Variants in DAAM2 observed in about 807,000 individuals in gnomAD.
DAAM2 encodes the protein disheveled-associated activator of morphogenesis 2.
In DAAM2, 39 loss-of-function variants were observed where a neutral mutation model predicts 120.7. The observed-to-expected ratio is 0.32, with a 90% CI of 0.25 to 0.42. The LOEUF is 0.42. DAAM2 is among the 10% of genes least tolerant of loss of function. The pLI, the probability that DAAM2 is intolerant of heterozygous loss-of-function variation, is 1.00. For missense variants in DAAM2, 1,283 were observed against 1,401.7 expected (o/e 0.92, Z 1.35); for synonymous variants, 488 against 524.9 (o/e 0.93, Z 0.96).
chr6:39,840,605 G>T (rs1763287170), intron 1 of DAAM2, among the ~76,000 whole-genome samples: 1 of 152,062 alleles, frequency 6.6e-6, no homozygotes, highest in Non-Finnish European at 1.5e-5. Flanking sequence ...TGGAGATGAG[G>T]GAAAGGAGAA....
In DAAM2 at chr6:39,878,709, C is replaced by T. The variant is rs2149329620; in HGVS notation, c.1545+121C>T. 5.7e-6 allele frequency: 6 copies of T among 1,046,470 alleles called. No individual in the cohort carries two copies. The South Asian group carries it at 8.4e-5, about 15-fold the overall frequency. The allele number at this position is 1,046,470 out of a possible 1,614,324, so 64.8% of individuals were successfully genotyped here. A position where few individuals can be genotyped will look rare whatever the true frequency, so the allele number is the denominator to read the frequency against. ...GCATGAGGGAGAAGGGAGATGGAGA[C>T]CTTGGGCCAGGATAGAAGAGACCCT... On this transcript the variant is annotated intron_variant, in intron 13 of 24. Transcript: ENST00000274867. The surrounding 1 kb of genome is among the most constrained non-coding windows in gnomAD (Gnocchi z 5.0).
rs1346720292 is a variant in DAAM2, at chr6:39,868,926, C to T, written c.866C>T (p.Ala289Val). The change falls in exon 7 of 25, where the codon GCT (alanine) becomes GTT (valine). Residue 289 changes from alanine to valine, a missense_variant. Ala to Val is a moderately conservative substitution (Grantham distance 64, BLOSUM62 0). Transcript: ENST00000274867. ...SFINAVLNAGAGEDNLEFRLH... is the reference protein window; with the variant it reads ...SFINAVLNAGVGEDNLEFRLH... ...ATCAATGCTGTCCTCAATGCTGGAG[C>T]TGGAGAGGTGGGGTGCCTTCTCCTT... The T allele has an allele frequency of 1.8e-5, 28 of 1,573,294 alleles. No individual in the cohort carries two copies. Among genetic ancestry groups the T allele is most frequent in the Non-Finnish European group, 2.2e-5 (26 of 1,159,026 alleles).
At chr6:39,841,549 G>A (rs185197770) in intron 1 of DAAM2, among the ~76,000 whole-genome samples, 13 of 152,138 alleles carry the variant, frequency 8.5e-5, no homozygotes, top group Non-Finnish European at 1.6e-4. Flanking sequence ...ATTTCACATC[G>A]TTCACAACTT....
Position 39,902,009 on chromosome 6 carries a change from A to G in DAAM2, c.3179A>G (p.Glu1060Gly), listed in dbSNP as rs778238929. The stretch of plus-strand genomic sequence containing the variant: ...AGCCAGGCCCTGGAAGTTACCCGGG[A>G]GCGGGCAATAAACCGGCTAAATTAT... ...SGSQALEVTR[E>G]RAINRLNY Residue 1060 changes from glutamate (E) to glycine (G), a missense_variant, in exon 25 of 25, where the codon GAG (glutamate) becomes GGG (glycine). Around this residue, in one of 3 missense-constraint regions of DAAM2, gnomAD observed 748 missense variants for 768.6 expected, o/e 0.97. Coordinates refer to ENST00000274867, the MANE Select transcript of DAAM2 (RefSeq NM_001201427.2). 1 of 1,610,214 alleles carries G rather than the reference A, an allele frequency of 6.2e-7. No individual in the cohort carries two copies. The highest frequency in any genetic ancestry group is 1.1e-5 in the South Asian group (1 of 90,714).
At chr6:39,896,466 G>A (rs1219385516) in intron 19 of DAAM2, among the ~76,000 whole-genome samples, 1 of 152,198 alleles carries the variant, frequency 6.6e-6, no homozygotes, top group Non-Finnish European at 1.5e-5. Flanking sequence ...GCCTCCCAAA[G>A]TGCTGGGATT....
chr6:39,904,039 T>C lies in DAAM2; in HGVS notation c.*2002T>C, dbSNP rs1052178865. ...GGCCTCTAAAGGTCCTCTCCCAAAC[T>C]GACCAGGCTGATGTCAACCTAACCC... On this transcript the variant is annotated 3_prime_UTR_variant, in exon 25 of 25. Coordinates refer to ENST00000274867, the MANE Select transcript of DAAM2 (RefSeq NM_001201427.2). 8.1e-6 allele frequency: 3 copies of C among 371,982 alleles called. No homozygotes were observed. Among genetic ancestry groups the C allele is most frequent in the Non-Finnish European group, 1.1e-5 (2 of 190,206 alleles). 23.0% of individuals were successfully genotyped at this position (371,982 alleles called of 1,614,324 possible).
chr6:39,870,302 T>A (rs905012091), intron 7 of DAAM2, 38 bp from the exon 8 acceptor site: 13 of 1,314,334 alleles, frequency 9.9e-6, no homozygotes, highest in Non-Finnish European at 1.3e-5. Context: ...GAAACTGAGA[T>A]CTGCCAATGA....
chr6:39,836,155 C>A (rs982773184), intron 1 of DAAM2, among the ~76,000 whole-genome samples: 2 of 152,116 alleles, frequency 1.3e-5, no homozygotes, highest in African/African-American at 4.8e-5. Flanking sequence ...AGCAGACCTC[C>A]CCCCTGTGCA....
intron 1 of DAAM2, among the ~76,000 whole-genome samples, chr6:39,807,306 G>A (rs996225764): frequency 1.3e-5 from 2 of 152,038 alleles, no homozygotes; most frequent in Non-Finnish European, 2.9e-5. Context: ...GCCATTGCTA[G>A]TAAGTTAAAA....
rs750202686 is a variant in DAAM2, at chr6:39,891,425, C to T, written c.2230C>T (p.Arg744Cys). 5.2e-5 allele frequency: 83 copies of T among 1,608,782 alleles called. No homozygotes were observed. Among genetic ancestry groups the T allele is most frequent in the African/African-American group, 1.1e-4 (8 of 74,830 alleles). ...HEIERMARAD[R>C]FLYEMSRIDH... The stretch of plus-strand genomic sequence containing the variant: ...AATTGAGCGGATGGCCCGTGCTGAC[C>T]GCTTCCTCTATGAAATGAGCAGGTT... The change falls in exon 18 of 25, where the codon CGC (arginine) becomes TGC (cysteine). Residue 744 changes from arginine (R) to cysteine (C), a missense_variant. Around this residue, in one of 3 missense-constraint regions of DAAM2, gnomAD observed 748 missense variants for 768.6 expected, o/e 0.97. Transcript: ENST00000274867.
intron 14 of DAAM2, chr6:39,883,735 C>A: frequency 2.0e-6 from 1 of 500,952 alleles, no homozygotes; most frequent in South Asian, 3.4e-5. Flanking sequence ...TTACATGTGG[C>A]TCCATGCACA....
Position 39,862,435 on chromosome 6 carries a change from C to T in DAAM2, c.258+1418C>T, listed in dbSNP as rs1045136684. ...TAATTAATCATATCTCATGATTCTC[C>T]ATTTTCCAAATTGATTTACTATGGA... On this transcript the variant is annotated intron_variant, in intron 3 of 24. Coordinates refer to ENST00000274867, the MANE Select transcript of DAAM2 (RefSeq NM_001201427.2). 7 of 152,094 alleles carry T rather than the reference C, an allele frequency of 4.6e-5. No homozygotes were observed. The South Asian group carries it at 1.0e-3, about 23-fold the overall frequency. 9.4% of individuals were successfully genotyped at this position (152,094 alleles called of 1,614,324 possible).
At chr6:39,845,230 A>G (rs1239237027) in intron 1 of DAAM2, among the ~76,000 whole-genome samples, 1 of 14,446 alleles carries the variant, frequency 6.9e-5, no homozygotes, top group East Asian at 2.3e-3. Flanking sequence ...ACATCCACAC[A>G]TGCTCATACA....
chr6:39,802,020 T>C (rs1761878102), intron 1 of DAAM2, among the ~76,000 whole-genome samples: 1 of 152,244 alleles, frequency 6.6e-6, no homozygotes, highest in Admixed American at 6.5e-5. Context: ...GATCAAGCTA[T>C]TATAACACTC....
intron 1 of DAAM2, among the ~76,000 whole-genome samples, chr6:39,840,762 G>A (rs1763293551): frequency 6.6e-6 from 1 of 152,186 alleles, no homozygotes; most frequent in South Asian, 2.1e-4. Flanking sequence ...GCTCTGTGCT[G>A]AGCACCAGGG....
chr6:39,882,909 C>T (rs1416502723), intron 14 of DAAM2, among the ~76,000 whole-genome samples: 1 of 152,156 alleles, frequency 6.6e-6, no homozygotes, highest in Non-Finnish European at 1.5e-5. Flanking sequence ...CTGGCCTAGC[C>T]TCCCCTTTCC....
chr6:39,811,174 A>AGT (rs59432565), intron 1 of DAAM2, among the ~76,000 whole-genome samples: 9,684 of 146,376 alleles, frequency 0.066, 679 homozygotes, highest in East Asian at 0.39. Context: ...AACTGAAGGG[A>AGT]GTGTGTGTGT....
At chr6:39,836,349 G>A (rs9296312) in intron 1 of DAAM2, among the ~76,000 whole-genome samples, 22,170 of 152,100 alleles carry the variant, frequency 0.15, 3,169 homozygotes, top group East Asian at 0.36. Flanking sequence ...AATAACAGCA[G>A]CAAAAATGAC....
chr6:39,857,564 T>C (rs890357413), intron 2 of DAAM2, among the ~76,000 whole-genome samples: 1 of 152,196 alleles, frequency 6.6e-6, no homozygotes, highest in Non-Finnish European at 1.5e-5. Flanking sequence ...TAGAATAATA[T>C]CTGGAGCCTG....
Sources: allele counts gnomAD v4.1 joint callset (sites outside exome capture counted in the v4.1 genomes callset), GRCh38; gene constraint gnomAD v4.1.1; regional missense constraint gnomAD v4.1.1; non-coding constraint Gnocchi (gnomAD v3.1); transcripts MANE v1.5; gene names NCBI Gene and HGNC (gene_info 2026-07-23, HGNC 2026-07-21).